The following ABR variants were observed in gnomAD, a reference collection of about 807,000 sequenced individuals.
ABR encodes the protein ABR activator of RhoGEF and GTPase, also known as active breakpoint cluster region-related protein.
In ABR, 35 loss-of-function variants were observed where a neutral mutation model predicts 107.2. That is an observed-to-expected ratio of 0.33 (90% confidence interval 0.25 to 0.43). The LOEUF is 0.43. Among genes scored for constraint, ABR ranks in the 20% least tolerant of loss-of-function variants. The probability of loss-of-function intolerance (pLI) is 1.00; values close to 1 mark genes in which losing one functional copy is unlikely to be tolerated. For synonymous variants in ABR, 498 were observed against 462.0 expected (o/e 1.08, Z -1.00); for missense variants, 815 against 1,115.2 (o/e 0.73, Z 3.83).
intron 1 of ABR, among the ~76,000 whole-genome samples, chr17:1,217,262 AC>A (rs1335641206): frequency 1.3e-5 from 2 of 152,192 alleles, no homozygotes; most frequent in African/African-American, 4.8e-5. Flanking sequence ...TGCAGCCGTG[AC>A]GCGTCTGTAA....
chr17:1,161,810 C>T (rs1251403037), intron 1 of ABR, among the ~76,000 whole-genome samples: 1 of 152,202 alleles, frequency 6.6e-6, no homozygotes, highest in African/African-American at 2.4e-5. Flanking sequence ...CCGCCTCGAC[C>T]TCCCACAGTG....
At position 1,026,709 on chromosome 17, in the gene ABR, C is replaced by T. The variant is rs560745652; in HGVS notation, c.1792-13545G>A. Among the ~76,000 whole-genome samples the T allele has an allele frequency of 6.7e-4, 102 of 152,300 alleles. 4 individuals carry two copies. Among genetic ancestry groups the T allele is most frequent in the East Asian group, 6.4e-3 (33 of 5,180 alleles). ...CAGGCGCAGGGGACTGTCTGTTCCTCGAAGGTGCTGGGGGGCCGTCAGGAC... is the reference window on the plus strand; with the variant it reads ...CAGGCGCAGGGGACTGTCTGTTCCTTGAAGGTGCTGGGGGGCCGTCAGGAC... On this transcript the variant is annotated intron_variant, in intron 16 of 22. Transcript: ENST00000302538.
At chr17:1,138,345 C>T (rs1332805834) in intron 1 of ABR, among the ~76,000 whole-genome samples, 2 of 152,148 alleles carry the variant, frequency 1.3e-5, no homozygotes, top group African/African-American at 4.8e-5. Flanking sequence ...CAGGAAGCAA[C>T]TTTCCAGGAC....
chr17:1,207,573 C>T lies in ABR; in HGVS notation c.838+21220G>A, dbSNP rs569928244. On this transcript the variant is annotated intron_variant, in intron 1 of 22. Transcript: ENST00000574139. ...CTGAGCCAGGAGAATTGCTTGAACT[C>T]GGGAGGTGGAAGTTGCAGTGAGCCG... Among the ~76,000 whole-genome samples, 351 of 137,996 alleles carry T rather than the reference C, an allele frequency of 2.5e-3. 2 individuals carry two copies. Among genetic ancestry groups the T allele is most frequent in the Admixed American group, 6.7e-3 (84 of 12,524 alleles). The allele number at this position is 137,996 out of a possible 152,430, so 90.5% of individuals were successfully genotyped here. A position where few individuals can be genotyped will look rare whatever the true frequency, so the allele number is the denominator to read the frequency against.
intron 2 of ABR, chr17:1,108,814 C>CTCGCGGA: frequency 1.6e-6 from 2 of 1,227,436 alleles, no homozygotes; most frequent in African/African-American, 1.6e-5. Flanking sequence ...GGGCCGGGAC[C>CTCGCGGA]CTCCGCCGAG....
At chr17:1,172,224 G>T (rs1042391064) in intron 1 of ABR, among the ~76,000 whole-genome samples, 1 of 152,230 alleles carries the variant, frequency 6.6e-6, no homozygotes, top group Non-Finnish European at 1.5e-5. Flanking sequence ...AGATGGTCCC[G>T]CCTCAAAGGG....
chr17:1,109,156 G>GAGGGAGGAGGCGGGCGGGAA, intron 2 of ABR: 1 of 1,434,010 alleles, frequency 7.0e-7, no homozygotes, highest in Non-Finnish European at 9.3e-7. Flanking sequence ...CGGGCGGGAG[G>GAGGGAGGAGGCGGGCGGGAA]GGGGGCAGGT....
At chr17:1,162,778 A>C (rs945179417) in intron 1 of ABR, among the ~76,000 whole-genome samples, 8 of 152,096 alleles carry the variant, frequency 5.3e-5, no homozygotes, top group African/African-American at 1.9e-4. Flanking sequence ...TCATCCCAGC[A>C]CTTTGAAAGG....
upstream of ABR, among the ~76,000 whole-genome samples, chr17:1,180,177 G>C (rs2042085211): frequency 6.8e-6 from 1 of 146,956 alleles, no homozygotes; most frequent in Non-Finnish European, 1.5e-5. Flanking sequence ...CGGGGGTCTC[G>C]GGGGGTCTCC....
chr17:1,013,000 C>A lies in ABR; in HGVS notation c.1851+105G>T, dbSNP rs984301302. 3 of 1,392,760 alleles carry A rather than the reference C, an allele frequency of 2.2e-6. No individual in the cohort carries two copies. The East Asian group carries it at 6.9e-5, about 32-fold the overall frequency. 86.3% of individuals were successfully genotyped at this position (1,392,760 alleles called of 1,614,324 possible). A position where few individuals can be genotyped will look rare whatever the true frequency, so the allele number is the denominator to read the frequency against. On this transcript the variant is annotated intron_variant, in intron 17 of 22. Coordinates refer to ENST00000302538, the MANE Select transcript of ABR (RefSeq NM_021962.5). ...GGGCTGGGCTGCGGGGAGGTCGAGGCGGCACAGCGGCCCCAGGAGCAGCCA... is the reference window on the plus strand; with the variant it reads ...GGGCTGGGCTGCGGGGAGGTCGAGGAGGCACAGCGGCCCCAGGAGCAGCCA...
intron 16 of ABR, among the ~76,000 whole-genome samples, chr17:1,026,859 C>T (rs2072238975): frequency 6.6e-6 from 1 of 152,246 alleles, no homozygotes. Context: ...CAGGCCTCTC[C>T]AGCACCAGCG....
At chr17:1,025,822 C>T (rs2072150502) in intron 16 of ABR, among the ~76,000 whole-genome samples, 4 of 152,170 alleles carry the variant, frequency 2.6e-5, no homozygotes, top group Admixed American at 2.0e-4. Context: ...GACAGGGTCT[C>T]GTCTGTCTCG....
At chr17:1,139,843 G>A (rs1205599796) in intron 1 of ABR, among the ~76,000 whole-genome samples, 6 of 152,138 alleles carry the variant, frequency 3.9e-5, no homozygotes, top group African/African-American at 1.2e-4. Context: ...GGGTTCATAT[G>A]GAAGAAACAA....
rs1032936438 is a variant in ABR at position 1,011,280 on chromosome 17, G to A, written c.2102-417C>T. Reference sequence around the variant, plus strand: ...TTCTAGGCTGCACAGAGGCACCAACGCCGGCCAGTTCCCAGGCCCCACCCC... The same window carrying A: ...TTCTAGGCTGCACAGAGGCACCAACACCGGCCAGTTCCCAGGCCCCACCCC... On this transcript the variant is annotated intron_variant, in intron 19 of 22. Transcript: ENST00000302538. This position sits in a 1 kb window ranked among gnomAD's most constrained non-coding sequence, Gnocchi z 4.8. The A allele has an allele frequency of 4.8e-5, 9 of 189,136 alleles. No individual in the cohort carries two copies. Among genetic ancestry groups the A allele is most frequent in the Middle Eastern group, 2.3e-3 (1 of 434 alleles). The allele number at this position is 189,136 out of a possible 1,614,324, so 11.7% of individuals were successfully genotyped here.
chr17:1,139,443 A>G (rs941101532), intron 1 of ABR, among the ~76,000 whole-genome samples: 19 of 152,000 alleles, frequency 1.3e-4, no homozygotes, highest in South Asian at 2.1e-4. Context: ...TAGTAGAGAC[A>G]GGGTTTCACC....
At chr17:1,224,037 G>C (rs1221996841) in intron 1 of ABR, among the ~76,000 whole-genome samples, 2 of 152,214 alleles carry the variant, frequency 1.3e-5, no homozygotes, top group African/African-American at 4.8e-5. Context: ...CAGAACAGGA[G>C]CTGGCAAAAG....
chr17:1,049,995 A>T (rs544771819), intron 16 of ABR, 55 bp downstream of exon 16: 1 of 1,567,100 alleles, frequency 6.4e-7, no homozygotes, highest in South Asian at 1.2e-5. Context: ...TTCCTTTTCA[A>T]CTGGAACCAC....
chr17:1,089,074 T>A (rs1284106139), intron 4 of ABR, among the ~76,000 whole-genome samples: 1 of 151,840 alleles, frequency 6.6e-6, no homozygotes, highest in African/African-American at 2.4e-5. Context: ...TTTTTTGTAT[T>A]TTTAGTAGAG....
intron 16 of ABR, among the ~76,000 whole-genome samples, chr17:1,017,153 AC>A (rs1283234679): frequency 6.6e-6 from 1 of 152,048 alleles, no homozygotes; most frequent in East Asian, 1.9e-4. Flanking sequence ...CTCTTCACAC[AC>A]GGGAAGCGTG....
Sources: gnomAD v4.1 joint callset for allele counts (sites outside exome capture counted in the v4.1 genomes callset) on GRCh38, gnomAD v4.1.1 for gene constraint, Gnocchi (gnomAD v3.1) non-coding constraint, MANE v1.5 for transcripts, NCBI Gene and HGNC (gene_info 2026-07-23, HGNC 2026-07-21) for gene names.